Variants in NDEL1 observed in about 807,000 individuals in gnomAD.
NDEL1 encodes nudE neurodevelopment protein 1 like 1.
A neutral mutation model predicts 45.7 loss-of-function variants in NDEL1; 9 were observed. That is an observed-to-expected ratio of 0.20 (90% CI 0.12 to 0.34). The LOEUF is 0.34. Among genes scored for constraint, NDEL1 ranks in the 10% least tolerant of loss-of-function variants. The probability of loss-of-function intolerance (pLI) is 1.00; values close to 1 mark genes in which losing one functional copy is unlikely to be tolerated. For missense variants in NDEL1, 306 were observed against 406.2 expected, an observed-to-expected ratio of 0.75 and a Z score of 2.12; for synonymous variants, 133 against 158.6, an observed-to-expected ratio of 0.84 and a Z score of 1.21.
At chr17:8,463,183 G>T (rs1204879854) in intron 8 of NDEL1, 2 of 602,624 alleles carry the variant, frequency 3.3e-6, no homozygotes, top group Non-Finnish European at 5.9e-6. Context: ...TAGTTTCTTA[G>T]GTAACATGTG....
At position 8,460,318 on chromosome 17, in the gene NDEL1, C is replaced by T. The variant is rs147775843; in HGVS notation, c.944+158C>T. On this transcript the variant is annotated intron_variant, in intron 8 of 8. Transcript: ENST00000334527. Reference sequence around the variant, plus strand: ...TAGGTGACATGACGTCTGTTGTTGTCCTCTAGTCCCCATGGAGTCTGTTGC... The same window carrying T: ...TAGGTGACATGACGTCTGTTGTTGTTCTCTAGTCCCCATGGAGTCTGTTGC... Among the ~76,000 whole-genome samples, 9 of 152,258 alleles carry T rather than the reference C, an allele frequency of 5.9e-5. 2 individuals carry two copies. In the East Asian group the frequency reaches 1.7e-3, roughly 29 times the overall value.
chr17:8,432,341 T>TATATAA (rs372427526), upstream of NDEL1, among the ~76,000 whole-genome samples: 292 of 12,150 alleles, frequency 0.024, 16 homozygotes, highest in African/African-American at 0.025. Flanking sequence ...ATATATATTA[T>TATATAA]ATATAAATAT....
chr17:8,442,944 T>A (rs1340341881), intron 1 of NDEL1, among the ~76,000 whole-genome samples: 5 of 152,138 alleles, frequency 3.3e-5, no homozygotes, highest in Non-Finnish European at 7.4e-5. Flanking sequence ...CACGCCCGGC[T>A]AATTTTTTGT....
chr17:8,463,235 G>A (rs1911334251), intron 8 of NDEL1: 5 of 1,046,400 alleles, frequency 4.8e-6, no homozygotes, highest in Non-Finnish European at 7.4e-6. Context: ...TGGGCTGTGT[G>A]TAGGTGGGCA....
At chr17:8,413,740 G>A (rs575845753) in intron 1 of NDEL1, among the ~76,000 whole-genome samples, 4 of 152,314 alleles carry the variant, frequency 2.6e-5, no homozygotes, top group East Asian at 1.9e-4. Flanking sequence ...CCCTCTGAAC[G>A]TGTTTTCTCA....
At chr17:8,433,469 C>T (rs186675306), upstream of NDEL1, among the ~76,000 whole-genome samples, 46 of 152,224 alleles carry the variant, frequency 3.0e-4, 1 homozygote, top group African/African-American at 1.0e-3. Flanking sequence ...GGGGCTTTGT[C>T]CTTTTACACT....
upstream of NDEL1, among the ~76,000 whole-genome samples, chr17:8,433,590 C>G (rs1909071566): frequency 6.6e-6 from 1 of 152,220 alleles, no homozygotes; most frequent in Admixed American, 6.5e-5. Flanking sequence ...GGACTCTCTT[C>G]AAACTGATTT....
chr17:8,450,017 T>C (rs928964372), intron 5 of NDEL1, among the ~76,000 whole-genome samples: 2 of 152,222 alleles, frequency 1.3e-5, no homozygotes, highest in Non-Finnish European at 2.9e-5. Context: ...GTGTGGCGGC[T>C]CACGCCTGTA....
chr17:8,436,615 A>T (rs1022200705), intron 1 of NDEL1: 2 of 152,252 alleles, frequency 1.3e-5, no homozygotes, highest in Non-Finnish European at 2.9e-5. Flanking sequence ...GCAAAGTGTC[A>T]CCAACGGGCT....
intron 1 of NDEL1, among the ~76,000 whole-genome samples, chr17:8,438,343 T>C (rs1909493323): frequency 6.6e-6 from 1 of 152,198 alleles, no homozygotes; most frequent in Non-Finnish European, 1.5e-5. Flanking sequence ...ATGTTTTCTA[T>C]ATTAGCTAAC....
intron 7 of NDEL1, among the ~76,000 whole-genome samples, chr17:8,456,827 T>C (rs1249744857): frequency 6.6e-6 from 1 of 152,204 alleles, no homozygotes; most frequent in African/African-American, 2.4e-5. Flanking sequence ...AACTCGCTGT[T>C]CTCTCCCTTT....
intron 1 of NDEL1, chr17:8,443,942 T>TA (rs1909921155): frequency 5.1e-6 from 1 of 196,482 alleles, no homozygotes; most frequent in Admixed American, 5.9e-5. Context: ...CACGTGGCCT[T>TA]AAACCAACTG....
At chr17:8,472,782 G>A (rs144326791), downstream of NDEL1, among the ~76,000 whole-genome samples, 229 of 152,306 alleles carry the variant, frequency 1.5e-3, no homozygotes, top group African/African-American at 5.3e-3. Context: ...TGTGGCAAGG[G>A]CAGAGCGCTT....
At chr17:8,420,112 C>G (rs1885116917) in intron 1 of NDEL1, among the ~76,000 whole-genome samples, 1 of 152,210 alleles carries the variant, frequency 6.6e-6, no homozygotes, top group South Asian at 2.1e-4. Context: ...TCAAGGTTCT[C>G]TTCTACGTCT....
At chr17:8,421,825 C>T (rs1332136307) in intron 1 of NDEL1, among the ~76,000 whole-genome samples, 2 of 152,198 alleles carry the variant, frequency 1.3e-5, no homozygotes, top group Non-Finnish European at 2.9e-5. Context: ...AGAGGGCTGA[C>T]TCTGCCATCA....
downstream of NDEL1, among the ~76,000 whole-genome samples, chr17:8,471,753 T>G (rs1394175801): frequency 2.0e-5 from 3 of 152,210 alleles, no homozygotes; most frequent in Admixed American, 6.5e-5. Flanking sequence ...CCAACAAGAA[T>G]GAGGTACTTC....
At chr17:8,426,431 A>G (rs1182004797) in intron 1 of NDEL1, among the ~76,000 whole-genome samples, 2 of 152,224 alleles carry the variant, frequency 1.3e-5, no homozygotes, top group South Asian at 2.1e-4. Flanking sequence ...GTATAAAGGT[A>G]TGTGAGCACA....
intron 1 of NDEL1, among the ~76,000 whole-genome samples, chr17:8,429,209 T>A (rs1334217039): frequency 4.6e-5 from 7 of 152,200 alleles, no homozygotes; most frequent in African/African-American, 9.6e-5. Flanking sequence ...TTGGGGTATT[T>A]TCCAGAATGT....
At chr17:8,434,004 C>T (rs376414856), upstream of NDEL1, among the ~76,000 whole-genome samples, 5 of 152,162 alleles carry the variant, frequency 3.3e-5, no homozygotes, top group Admixed American at 1.3e-4. Flanking sequence ...TTATGTCCAT[C>T]GCCCTCAAAA....
Sources: gnomAD v4.1 joint callset for allele counts (sites outside exome capture counted in the v4.1 genomes callset) on GRCh38, gnomAD v4.1.1 for gene constraint, MANE v1.5 for transcripts, NCBI Gene and HGNC (gene_info 2026-07-23, HGNC 2026-07-21) for gene names.